The following ZNF385D variants were observed in gnomAD, a reference collection of about 807,000 sequenced individuals.
The protein encoded by ZNF385D is zinc finger protein 385D.
ZNF385D carries 15 observed loss-of-function variants against 35.8 expected under a neutral mutation model. The ratio of observed to expected loss-of-function variants is 0.42; its 90% CI spans 0.28 to 0.64. The LOEUF (loss-of-function observed/expected upper bound fraction) is 0.64. Among genes scored for constraint, ZNF385D ranks in the 30% least tolerant of loss-of-function variants. The probability of loss-of-function intolerance (pLI) is 0.23; values close to 1 mark genes in which losing one functional copy is unlikely to be tolerated. For synonymous variants in ZNF385D, 212 were observed against 186.8 expected, an observed-to-expected ratio of 1.13 and a Z score of -1.10; for missense variants, 474 against 494.6, an observed-to-expected ratio of 0.96 and a Z score of 0.39.
chr3:21,929,085 C>T lies in ZNF385D; in HGVS notation c.325+239732G>A, dbSNP rs146477197. Among the ~76,000 whole-genome samples the T allele has an allele frequency of 3.0e-3, 462 of 152,140 alleles. 3 individuals carry two copies. The highest frequency in any genetic ancestry group is 4.9e-3 in the Non-Finnish European group (331 of 67,958). On this transcript the variant is annotated intron_variant, in intron 3 of 5. Transcript: ENST00000494108. ...TAGATGCAAGATCCCCAACAAAATGCTATCAAACCAATCCAACAACATATA... is the reference window on the plus strand; with the variant it reads ...TAGATGCAAGATCCCCAACAAAATGTTATCAAACCAATCCAACAACATATA...
chr3:21,596,450 G>A (rs1316497765), intron 2 of ZNF385D, among the ~76,000 whole-genome samples: 1 of 152,036 alleles, frequency 6.6e-6, no homozygotes, highest in East Asian at 1.9e-4. Flanking sequence ...TTCTTTATCT[G>A]TCAAATATAT....
At chr3:21,441,228 T>C (rs1422110244) in intron 4 of ZNF385D, among the ~76,000 whole-genome samples, 1 of 152,112 alleles carries the variant, frequency 6.6e-6, no homozygotes, top group Non-Finnish European at 1.5e-5. Flanking sequence ...TCAATAAATA[T>C]TAAGAGAAAA....
At chr3:22,015,306 G>A (rs747817394) in intron 3 of ZNF385D, among the ~76,000 whole-genome samples, 3 of 152,036 alleles carry the variant, frequency 2.0e-5, no homozygotes, top group African/African-American at 4.8e-5. Flanking sequence ...GCAAACATGC[G>A]CATTGCACTA....
intron 3 of ZNF385D, among the ~76,000 whole-genome samples, chr3:22,143,197 C>G (rs1475760280): frequency 6.6e-6 from 1 of 151,864 alleles, no homozygotes; most frequent in Non-Finnish European, 1.5e-5. Context: ...ATTCTCCTGC[C>G]TCAGCCTCCG....
At chr3:21,677,246 G>A (rs2066757692) in intron 1 of ZNF385D, among the ~76,000 whole-genome samples, 1 of 152,066 alleles carries the variant, frequency 6.6e-6, no homozygotes. Context: ...CCTGGGCCCT[G>A]AGAATCCCAG....
chr3:22,183,663 T>C (rs1048367278), intron 2 of ZNF385D, among the ~76,000 whole-genome samples: 9 of 152,346 alleles, frequency 5.9e-5, no homozygotes, highest in African/African-American at 1.9e-4. Context: ...AAGTTACTTA[T>C]AAAAGTATAT....
At chr3:21,500,194 G>T (rs1219602992) in intron 4 of ZNF385D, among the ~76,000 whole-genome samples, 1 of 152,088 alleles carries the variant, frequency 6.6e-6, no homozygotes, top group Non-Finnish European at 1.5e-5. Flanking sequence ...ATGTAATAAA[G>T]TTCAATTAGT....
At chr3:22,262,559 T>G (rs1033991899) in intron 2 of ZNF385D, among the ~76,000 whole-genome samples, 2 of 152,020 alleles carry the variant, frequency 1.3e-5, no homozygotes, top group African/African-American at 2.4e-5. Context: ...TATAATAGCA[T>G]ATGTTTCATG....
chr3:22,126,695 C>A (rs1703451073), intron 3 of ZNF385D, among the ~76,000 whole-genome samples: 1 of 152,026 alleles, frequency 6.6e-6, no homozygotes, highest in Non-Finnish European at 1.5e-5. Flanking sequence ...TATATTAGGT[C>A]CATTTGGTCT....
intron 2 of ZNF385D, among the ~76,000 whole-genome samples, chr3:22,207,060 G>C (rs1409553627): frequency 6.6e-6 from 1 of 151,688 alleles, no homozygotes; most frequent in Non-Finnish European, 1.5e-5. Context: ...TAAAATCAGA[G>C]ATGAAAAAGA....
At chr3:21,990,466 A>G (rs763009929) in intron 3 of ZNF385D, among the ~76,000 whole-genome samples, 4 of 152,212 alleles carry the variant, frequency 2.6e-5, no homozygotes, top group African/African-American at 7.2e-5. Context: ...TAAGGTTAGA[A>G]AAGATCATTG....
At chr3:21,679,308 TGGAA>T (rs2066825790) in intron 1 of ZNF385D, among the ~76,000 whole-genome samples, 2 of 152,108 alleles carry the variant, frequency 1.3e-5, no homozygotes, top group Admixed American at 6.6e-5. Flanking sequence ...TATGAAATAA[TGGAA>T]TATATTTTAT....
intron 3 of ZNF385D, among the ~76,000 whole-genome samples, chr3:22,132,681 C>T (rs1183598949): frequency 2.6e-5 from 4 of 151,828 alleles, no homozygotes; most frequent in African/African-American, 4.8e-5. Flanking sequence ...AATTAATGGT[C>T]TTTATTAATA....
chr3:22,262,054 A>C (rs779294663), intron 2 of ZNF385D, among the ~76,000 whole-genome samples: 45 of 152,018 alleles, frequency 3.0e-4, no homozygotes, highest in Non-Finnish European at 5.0e-4. Context: ...CATATAAATA[A>C]TTTTAAAATA....
chr3:21,982,645 C>A (rs1252865616), intron 3 of ZNF385D, among the ~76,000 whole-genome samples: 1 of 151,958 alleles, frequency 6.6e-6, no homozygotes, highest in Admixed American at 6.6e-5. Flanking sequence ...TGACAGACAG[C>A]ATACTTGTCT....
chr3:22,372,664 C>G (rs1450582989), exon 2 of ZNF385D: 3 of 210,310 alleles, frequency 1.4e-5, no homozygotes, highest in Non-Finnish European at 2.5e-5. Context: ...CCAAGGAGAA[C>G]GGTCTCCGTT....
chr3:22,256,236 C>T (rs936153586), intron 2 of ZNF385D, among the ~76,000 whole-genome samples: 8 of 145,446 alleles, frequency 5.5e-5, no homozygotes, highest in African/African-American at 1.2e-4. Flanking sequence ...TATACACATA[C>T]ATATATATAT....
At chr3:21,587,297 A>T (rs1477426526) in intron 2 of ZNF385D, among the ~76,000 whole-genome samples, 2 of 152,224 alleles carry the variant, frequency 1.3e-5, no homozygotes, top group Non-Finnish European at 2.9e-5. Context: ...GGAGTTAAAA[A>T]GACAAGAAGT....
chr3:22,159,229 A>C (rs1705791548), intron 3 of ZNF385D, among the ~76,000 whole-genome samples: 1 of 152,086 alleles, frequency 6.6e-6, no homozygotes, highest in Non-Finnish European at 1.5e-5. Flanking sequence ...ACTCACTCCC[A>C]CGCACATACA....
Sources: gnomAD v4.1 joint callset for allele counts (sites outside exome capture counted in the v4.1 genomes callset) on GRCh38, gnomAD v4.1.1 for gene constraint, MANE v1.5 for transcripts, NCBI Gene and HGNC (gene_info 2026-07-23, HGNC 2026-07-21) for gene names.